Variants in KCNN2 observed in about 807,000 individuals in gnomAD.
KCNN2 encodes the protein potassium calcium-activated channel subfamily N member 2, also known as small conductance calcium-activated potassium channel protein 2.
Under a neutral mutation model 55.5 loss-of-function variants are expected in KCNN2, and 24 were observed. That is an observed-to-expected ratio of 0.43 (90% CI 0.31 to 0.61). The LOEUF is 0.61. Ranked by LOEUF, KCNN2 falls within the 20% of genes least tolerant of loss-of-function variation. The pLI, the probability that KCNN2 is intolerant of heterozygous loss-of-function variation, is 0.08. For synonymous variants in KCNN2, 431 were observed against 336.1 expected, an observed-to-expected ratio of 1.28 and a Z score of -3.09; for missense variants, 754 against 853.6, an observed-to-expected ratio of 0.88 and a Z score of 1.45.
intron 2 of KCNN2, among the ~76,000 whole-genome samples, chr5:114,372,215 A>T (rs1757780961): frequency 6.6e-6 from 1 of 152,118 alleles, no homozygotes; most frequent in African/African-American, 2.4e-5. Context: ...TGGTTTGGAT[A>T]CCTGTCGTTG....
At chr5:114,478,162 C>T (rs79558926) in intron 5 of KCNN2, among the ~76,000 whole-genome samples, 1 of 152,074 alleles carries the variant, frequency 6.6e-6, no homozygotes, top group Non-Finnish European at 1.5e-5. Context: ...ATATGGCACC[C>T]TGGTGCATTC....
In KCNN2 at chr5:114,355,939, T is replaced by C. The variant is rs1007345413; in HGVS notation, c.-184-5006T>C. Among the ~76,000 whole-genome samples, 7 of 152,246 alleles carry C rather than the reference T, an allele frequency of 4.6e-5. No homozygotes were observed. The East Asian group carries it at 1.4e-3, about 29-fold the overall frequency. ...CACTGCTATTTCATCTACATTTGTATTATATCCTCACAAATTATTCTGTTG... is the reference window on the plus strand; with the variant it reads ...CACTGCTATTTCATCTACATTTGTACTATATCCTCACAAATTATTCTGTTG... On this transcript the variant is annotated intron_variant, in intron 2 of 10. Transcript: ENST00000512097.
rs1310126652 is a variant in KCNN2, at chr5:114,363,058, G to A, written c.919G>A (p.Gly307Ser). ...CGGAGGCAGCACTGGAGGAGGCGGC[G>A]GCGGTGGCGGGAGCGGGCACGGCAG... ...GGGGSTGGGG[G>S]GGGSGHGSSS... Residue 307 changes from glycine to serine, a missense_variant, in exon 1 of 8, where the codon GGC (glycine) becomes AGC (serine). Coordinates refer to ENST00000673685, the MANE Select transcript of KCNN2 (RefSeq NM_021614.4). The A allele has an allele frequency of 2.5e-6, 4 of 1,608,242 alleles. No individual in the cohort carries two copies. The highest frequency in any genetic ancestry group is 2.7e-5 in the African/African-American group (2 of 74,872).
rs542496609 is a variant in KCNN2 at position 114,269,699 on chromosome 5, A to G, written c.-185+48134A>G. ...AGGTAGGATCCGGTTGACTGTAAGA[A>G]TGTCTTTCCTTTCAATAAAAATGAA... is the stretch of plus-strand genomic sequence containing the variant. On this transcript the variant is annotated intron_variant, in intron 2 of 10. Coordinates refer to the KCNN2 transcript ENST00000512097. 2.0e-5 allele frequency among the ~76,000 whole-genome samples: 3 copies of G among 152,312 alleles called. No individual in the cohort carries two copies. The South Asian group carries it at 6.2e-4, about 32-fold the overall frequency.
intron 2 of KCNN2, among the ~76,000 whole-genome samples, chr5:114,316,920 T>A (rs1291859531): frequency 6.6e-6 from 1 of 152,246 alleles, no homozygotes; most frequent in Non-Finnish European, 1.5e-5. Context: ...GGGTGTTCTT[T>A]GAAAACTGCA....
chr5:114,463,317 A>C (rs772182285), intron 4 of KCNN2, 127 bp downstream of exon 4: 58 of 680,824 alleles, frequency 8.5e-5, no homozygotes, highest in Non-Finnish European at 1.2e-4. Context: ...GTATAAATAA[A>C]TCAATTTTGT....
At chr5:114,204,108 A>T (rs549232812) in intron 1 of KCNN2, among the ~76,000 whole-genome samples, 1 of 152,216 alleles carries the variant, frequency 6.6e-6, no homozygotes, top group South Asian at 2.1e-4. Context: ...AGCATTCTAG[A>T]TGAAGTTTCC....
chr5:114,281,011 C>G (rs1755612597), intron 2 of KCNN2, among the ~76,000 whole-genome samples: 2 of 152,118 alleles, frequency 1.3e-5, no homozygotes, highest in Admixed American at 1.3e-4. Context: ...GAATACCCTA[C>G]ACCCCATATA....
At chr5:114,121,069 G>C (rs958051955) in intron 1 of KCNN2, among the ~76,000 whole-genome samples, 9 of 152,234 alleles carry the variant, frequency 5.9e-5, no homozygotes, top group Admixed American at 4.6e-4. Context: ...AGGGTTGGTA[G>C]TGCCATCCAG....
chr5:114,325,599 G>T (rs1291669266), intron 2 of KCNN2, among the ~76,000 whole-genome samples: 2 of 152,186 alleles, frequency 1.3e-5, no homozygotes, highest in Non-Finnish European at 2.9e-5. Context: ...AGCCATCTCA[G>T]CAAAAGCCAA....
intron 1 of KCNN2, among the ~76,000 whole-genome samples, chr5:114,177,506 T>C (rs1335177409): frequency 6.6e-6 from 1 of 151,796 alleles, no homozygotes; most frequent in Non-Finnish European, 1.5e-5. Context: ...TCCATATATA[T>C]ATATATTTTT....
intron 1 of KCNN2, among the ~76,000 whole-genome samples, chr5:114,155,932 GTCT>G (rs2112523424): frequency 6.6e-6 from 1 of 152,248 alleles, no homozygotes; most frequent in South Asian, 2.1e-4. Context: ...TGCTTTAGCT[GTCT>G]TCATCATTAA....
chr5:114,277,358 T>C (rs1196675391), intron 2 of KCNN2, among the ~76,000 whole-genome samples: 2 of 152,210 alleles, frequency 1.3e-5, no homozygotes, highest in East Asian at 3.9e-4. Context: ...GTGTTCTCTG[T>C]GTTTCCTGAA....
At chr5:114,102,937 T>C (rs1035208309) in intron 1 of KCNN2, among the ~76,000 whole-genome samples, 8 of 152,188 alleles carry the variant, frequency 5.3e-5, no homozygotes, top group South Asian at 2.1e-4. Context: ...TTTGGTTTCA[T>C]AGGAAATTTA....
intron 2 of KCNN2, among the ~76,000 whole-genome samples, chr5:114,227,883 A>G (rs1754270792): frequency 6.6e-6 from 1 of 152,136 alleles, no homozygotes; most frequent in African/African-American, 2.4e-5. Flanking sequence ...ATATATATAT[A>G]GTAGGTGAAT....
chr5:114,415,410 T>A (rs1264730829), intron 3 of KCNN2, among the ~76,000 whole-genome samples: 2 of 152,212 alleles, frequency 1.3e-5, no homozygotes, highest in Admixed American at 1.3e-4. Flanking sequence ...CTTGACAACA[T>A]TGTCAGTTGT....
At chr5:114,185,529 C>T (rs889904122) in intron 1 of KCNN2, among the ~76,000 whole-genome samples, 2 of 152,168 alleles carry the variant, frequency 1.3e-5, no homozygotes, top group African/African-American at 2.4e-5. Context: ...TGGCAGGAAG[C>T]GCTCTAGCAG....
chr5:114,486,981 G>C (rs1322311529), intron 5 of KCNN2, 69 bp from the exon 6 acceptor site: 1 of 1,556,932 alleles, frequency 6.4e-7, no homozygotes, highest in Non-Finnish European at 8.8e-7. Flanking sequence ...TGAAGACTAT[G>C]ACCCCCAGCA....
chr5:114,484,122 C>T (rs1438780143), intron 5 of KCNN2, among the ~76,000 whole-genome samples: 1 of 151,994 alleles, frequency 6.6e-6, no homozygotes, highest in Admixed American at 6.6e-5. Context: ...TGCTGTGGTG[C>T]CCAGTTAACA....
Sources: allele counts gnomAD v4.1 joint callset (sites outside exome capture counted in the v4.1 genomes callset), GRCh38; gene constraint gnomAD v4.1.1; transcripts MANE v1.5; gene names NCBI Gene and HGNC (gene_info 2026-07-23, HGNC 2026-07-21).